EGFLAM: variants seen among roughly 807,000 people sequenced by gnomAD.
EGFLAM encodes the protein pikachurin.
EGFLAM carries 79 observed loss-of-function variants against 113.1 expected under a neutral mutation model. The observed-to-expected ratio is 0.70, with a 90% CI of 0.58 to 0.84. The LOEUF is 0.84. Ranked by LOEUF, EGFLAM falls within the 40% of genes least tolerant of loss-of-function variation. The pLI is 0.00. For missense variants in EGFLAM, 1,265 were observed against 1,291.6 expected, an observed-to-expected ratio of 0.98 and a Z score of 0.32; for synonymous variants, 504 against 487.6, an observed-to-expected ratio of 1.03 and a Z score of -0.44.
At position 38,337,506 on chromosome 5, in the gene EGFLAM, T is replaced by C; in HGVS notation, c.98-14T>C. The C allele has an allele frequency of 6.3e-7, 1 of 1,581,820 alleles. No individual in the cohort carries two copies. Among genetic ancestry groups the C allele is most frequent in the South Asian group, 1.2e-5 (1 of 86,878 alleles). ...TGTGGAGCCTCTAACACAATCTCTT[T>C]TGTTTGGGGGCAGGCAAGGTAGGGC... On this transcript the variant is annotated splice_polypyrimidine_tract_variant and intron_variant, in intron 1 of 21. Transcript: ENST00000322350.
intron 6 of EGFLAM, among the ~76,000 whole-genome samples, chr5:38,389,229 C>T (rs1269118938): frequency 1.3e-5 from 2 of 152,174 alleles, no homozygotes; most frequent in Non-Finnish European, 2.9e-5. Flanking sequence ...TGATGATTTA[C>T]ATGCCCTTTA....
chr5:38,357,920 T>C (rs959922193), intron 5 of EGFLAM, among the ~76,000 whole-genome samples: 1 of 150,182 alleles, frequency 6.7e-6, no homozygotes, highest in African/African-American at 2.5e-5. Context: ...TGGAGTGTAG[T>C]GGCACGATCT....
intron 5 of EGFLAM, among the ~76,000 whole-genome samples, chr5:38,354,562 C>G (rs1048367104): frequency 6.6e-6 from 1 of 152,126 alleles, no homozygotes; most frequent in Non-Finnish European, 1.5e-5. Flanking sequence ...AACCCCATCT[C>G]TACTAAAAAT....
intron 3 of EGFLAM, 42 bp from the exon 4 acceptor site, chr5:38,350,459 A>G: frequency 1.3e-6 from 2 of 1,584,340 alleles, no homozygotes; most frequent in African/African-American, 1.3e-5. Flanking sequence ...GCCCAAACAG[A>G]TGTACTGATT....
intron 12 of EGFLAM, among the ~76,000 whole-genome samples, chr5:38,419,023 A>G (rs1405125704): frequency 2.0e-5 from 3 of 152,084 alleles, no homozygotes; most frequent in Non-Finnish European, 4.4e-5. Flanking sequence ...GGTGCCAGCC[A>G]ATTTGGTTCC....
intron 6 of EGFLAM, among the ~76,000 whole-genome samples, chr5:38,376,161 T>C (rs551658736): frequency 6.6e-6 from 1 of 152,076 alleles, no homozygotes; most frequent in Non-Finnish European, 1.5e-5. Flanking sequence ...TTGTAAAAAA[T>C]GTATTCACTG....
At chr5:38,312,386 C>T (rs1043211808) in intron 1 of EGFLAM, among the ~76,000 whole-genome samples, 2 of 151,974 alleles carry the variant, frequency 1.3e-5, no homozygotes, top group Non-Finnish European at 2.9e-5. Context: ...GGTCTACAGG[C>T]GCCTGCCACC....
rs61595118 is a variant in EGFLAM, at chr5:38,389,517, A to G, written c.713-16609A>G. Among the ~76,000 whole-genome samples the G allele has an allele frequency of 2.4e-3, 369 of 152,286 alleles. 1 individual carries two copies. The highest frequency in any genetic ancestry group is 6.7e-3 in the African/African-American group (278 of 41,570). ...TATTTGCCTAATTGCTTGTCTATGT[A>G]GAAATCACCATGTTGAGTCCTAAAG... is the stretch of plus-strand genomic sequence containing the variant. On this transcript the variant is annotated intron_variant, in intron 6 of 21. Coordinates refer to ENST00000322350, the MANE Select transcript of EGFLAM (RefSeq NM_152403.4).
rs549655276 is a variant in EGFLAM at position 38,387,968 on chromosome 5, A to C, written c.712+17506A>C. Among the ~76,000 whole-genome samples the C allele has an allele frequency of 4.6e-4, 70 of 152,216 alleles. 1 individual carries two copies. Among genetic ancestry groups the C allele is most frequent in the African/African-American group, 1.7e-3 (69 of 41,528 alleles). ...ATACAAAGTAAGGGAGGTTTTCTTT[A>C]CTGTGGGACACTGATGGGACCCTCC... On this transcript the variant is annotated intron_variant, in intron 6 of 21. Coordinates refer to ENST00000322350, the MANE Select transcript of EGFLAM (RefSeq NM_152403.4).
chr5:38,418,133 T>C lies in EGFLAM; in HGVS notation c.1562T>C (p.Leu521Ser). Reference sequence around the variant, plus strand: ...GGTGGCGCTCCCAGCGCTTACTGGTTGGTTAGAGCAACAGGGACAAACCGA... The same window carrying C: ...GGTGGCGCTCCCAGCGCTTACTGGTCGGTTAGAGCAACAGGGACAAACCGA... ...YLGGAPSAYW[L>S]VRATGTNRGF... The change falls in exon 12 of 22, where the codon TTG becomes TCG. Residue 521 changes from leucine to serine, a missense_variant. Coordinates refer to ENST00000322350, the MANE Select transcript of EGFLAM (RefSeq NM_152403.4). 4 of 1,614,210 alleles carry C rather than the reference T, an allele frequency of 2.5e-6. No homozygotes were observed. Among genetic ancestry groups the C allele is most frequent in the Non-Finnish European group, 3.4e-6 (4 of 1,180,018 alleles).
chr5:38,439,274 T>TGAGG (rs1389150665), intron 17 of EGFLAM, among the ~76,000 whole-genome samples: 15 of 152,256 alleles, frequency 9.9e-5, no homozygotes. Context: ...CTGTACCTGC[T>TGAGG]TATGGGAAGC....
chr5:38,392,667 T>A (rs1453734952), intron 6 of EGFLAM, among the ~76,000 whole-genome samples: 3 of 152,132 alleles, frequency 2.0e-5, no homozygotes, highest in African/African-American at 7.2e-5. Context: ...TATCATGGTT[T>A]AGTGTTCATC....
chr5:38,404,071 A>G (rs547802725), intron 6 of EGFLAM, among the ~76,000 whole-genome samples: 1 of 152,146 alleles, frequency 6.6e-6, no homozygotes, highest in Admixed American at 6.5e-5. Flanking sequence ...GGTCATCTGC[A>G]TCATCTGCTG....
At chr5:38,349,774 C>T (rs1262345278) in intron 3 of EGFLAM, among the ~76,000 whole-genome samples, 2 of 7,680 alleles carry the variant, frequency 2.6e-4, no homozygotes, top group Non-Finnish European at 6.3e-4. Context: ...AGTACACACG[C>T]ACACACACAC....
chr5:38,352,998 G>A (rs1182100141), intron 5 of EGFLAM, among the ~76,000 whole-genome samples: 3 of 152,202 alleles, frequency 2.0e-5, no homozygotes, highest in African/African-American at 7.2e-5. Flanking sequence ...AATATTTGAT[G>A]ATGCTGTTTC....
intron 6 of EGFLAM, among the ~76,000 whole-genome samples, chr5:38,392,283 T>C (rs912539565): frequency 6.6e-6 from 1 of 152,228 alleles, no homozygotes. Flanking sequence ...GCAAAAGACA[T>C]GATCTTATTC....
At chr5:38,385,741 C>T (rs986864875) in intron 6 of EGFLAM, among the ~76,000 whole-genome samples, 1 of 152,126 alleles carries the variant, frequency 6.6e-6, no homozygotes, top group African/African-American at 2.4e-5. Context: ...GGTCATGTCC[C>T]ATTGAATTAT....
chr5:38,273,838 A>G (rs1757823008), intron 1 of EGFLAM, among the ~76,000 whole-genome samples: 1 of 152,238 alleles, frequency 6.6e-6, no homozygotes, highest in East Asian at 1.9e-4. Context: ...GAAACATGAC[A>G]TCATCAGATG....
rs566230353 is a variant in EGFLAM, at chr5:38,340,476, TA to T, written c.291+1696del. ...TCTTGCCAATTTTGACAAACTTGCATAGGGGCTACTCTATGCCCAACACAAG... is the reference window on the plus strand; with the variant it reads ...TCTTGCCAATTTTGACAAACTTGCATGGGGCTACTCTATGCCCAACACAAG... On this transcript the variant is annotated intron_variant, in intron 3 of 21. Transcript: ENST00000322350. Among the ~76,000 whole-genome samples, 67 of 152,290 alleles carry T rather than the reference TA, an allele frequency of 4.4e-4. No homozygotes were observed. The East Asian group carries it at 0.013, about 29-fold the overall frequency.
Sources: gnomAD v4.1 joint callset for allele counts (sites outside exome capture counted in the v4.1 genomes callset) on GRCh38, gnomAD v4.1.1 for gene constraint, MANE v1.5 for transcripts, NCBI Gene and HGNC (gene_info 2026-07-23, HGNC 2026-07-21) for gene names.